MOGAT1: variants seen among roughly 807,000 people sequenced by gnomAD.
The protein encoded by MOGAT1 is monoacylglycerol O-acyltransferase 1, also known as 2-acylglycerol O-acyltransferase 1.
MOGAT1 carries 32 observed loss-of-function variants against 31.4 expected under a neutral mutation model. The ratio of observed to expected loss-of-function variants is 1.02; its 90% CI spans 0.77 to 1.37. MOGAT1 has a LOEUF of 1.37. MOGAT1 is among the 40% of genes most tolerant of loss of function. MOGAT1 has a pLI of 0.00. For synonymous variants in MOGAT1, 145 were observed against 144.5 expected (o/e 1.00, Z -0.03); for missense variants, 426 against 402.0 (o/e 1.06, Z -0.51).
chr2:222,672,068 T>A (rs2106028625), intron 1 of MOGAT1, among the ~76,000 whole-genome samples, 189 bp downstream of exon 1: 1 of 152,344 alleles, frequency 6.6e-6, no homozygotes, highest in East Asian at 1.9e-4. Context: ...CGCTAACGAC[T>A]GTTTAATTTT....
chr2:222,688,487 CTT>C lies in MOGAT1; in HGVS notation c.240_241del (p.Trp81GlufsTer4), dbSNP rs771022437. ...ATCCAGCTGGATCAAAAATTGGACT[CTT>C]TGGAAACACTTTAAGGACTATTTTC... ...RRSSWIKNWT[L>X]WKHFKDYFPI... On this transcript the variant is annotated frameshift_variant, in exon 2 of 6. Coordinates refer to ENST00000446656, the MANE Select transcript of MOGAT1 (RefSeq NM_058165.3). LOFTEE classifies it high-confidence loss of function. 1 of 1,613,486 alleles carries C rather than the reference CTT, an allele frequency of 6.2e-7. No individual in the cohort carries two copies. The highest frequency in any genetic ancestry group is 8.5e-7 in the Non-Finnish European group (1 of 1,179,716).
intron 3 of MOGAT1, among the ~76,000 whole-genome samples, chr2:222,692,563 C>T (rs187170053): frequency 4.7e-4 from 71 of 152,142 alleles, no homozygotes; most frequent in African/African-American, 1.3e-3. Flanking sequence ...GGTTTGGAGA[C>T]GTGTAGTTTG....
At chr2:222,672,047 G>A (rs1166770139) in intron 1 of MOGAT1, among the ~76,000 whole-genome samples, 168 bp downstream of exon 1, 1 of 152,212 alleles carries the variant, frequency 6.6e-6, no homozygotes, top group East Asian at 1.9e-4. Context: ...GTTTCCTCAC[G>A]AGAACCTCAT....
intron 5 of MOGAT1, among the ~76,000 whole-genome samples, chr2:222,701,196 G>A (rs920174056): frequency 6.6e-6 from 1 of 151,916 alleles, no homozygotes; most frequent in Admixed American, 6.6e-5. Context: ...GGAGGTAGAG[G>A]TTGAAGTGAG....
intron 1 of MOGAT1, among the ~76,000 whole-genome samples, chr2:222,674,657 A>G (rs1177634001): frequency 6.6e-6 from 1 of 152,156 alleles, no homozygotes; most frequent in Non-Finnish European, 1.5e-5. Context: ...TGTCTAGTGA[A>G]TTCACACATT....
intron 1 of MOGAT1, among the ~76,000 whole-genome samples, chr2:222,672,889 T>TTTATTGTTA: frequency 7.2e-6 from 1 of 139,220 alleles, no homozygotes; most frequent in East Asian, 2.1e-4. Flanking sequence ...CTGGAATTTG[T>TTTATTGTTA]TTATTATTAT....
intron 1 of MOGAT1, among the ~76,000 whole-genome samples, chr2:222,679,518 A>C (rs751567916): frequency 4.6e-5 from 7 of 152,256 alleles, no homozygotes; most frequent in Non-Finnish European, 1.0e-4. Flanking sequence ...TGAACTGATT[A>C]CAGTACATAT....
intron 1 of MOGAT1, among the ~76,000 whole-genome samples, chr2:222,680,795 G>C (rs1247476035): frequency 6.6e-6 from 1 of 152,138 alleles, no homozygotes; most frequent in Non-Finnish European, 1.5e-5. Flanking sequence ...TTTTGGATGA[G>C]AATAGGAAGA....
At chr2:222,696,386 T>G (rs1016599811) in intron 5 of MOGAT1, among the ~76,000 whole-genome samples, 1 of 152,244 alleles carries the variant, frequency 6.6e-6, no homozygotes, top group Non-Finnish European at 1.5e-5. Flanking sequence ...CTACCAGCAG[T>G]GTGAAAGTGT....
intron 5 of MOGAT1, among the ~76,000 whole-genome samples, chr2:222,701,987 G>A (rs1446715341): frequency 6.6e-6 from 1 of 152,198 alleles, no homozygotes; most frequent in African/African-American, 2.4e-5. Flanking sequence ...CATGATACAT[G>A]GGAAGGCAGT....
chr2:222,682,235 T>C (rs1015227001), intron 1 of MOGAT1, among the ~76,000 whole-genome samples: 3 of 152,204 alleles, frequency 2.0e-5, no homozygotes, highest in Non-Finnish European at 4.4e-5. Flanking sequence ...CTGTAGCATG[T>C]ATCGCCTGAA....
chr2:222,675,843 A>G (rs1264824127), intron 1 of MOGAT1, among the ~76,000 whole-genome samples: 4 of 151,892 alleles, frequency 2.6e-5, no homozygotes, highest in Non-Finnish European at 4.4e-5. Flanking sequence ...CTACCCTACA[A>G]TTCAATTCTT....
rs565183333 is a variant in MOGAT1 at position 222,686,667 on chromosome 2, C to T, written c.95-1677C>T. On this transcript the variant is annotated intron_variant, in intron 1 of 5. Transcript: ENST00000446656. ...CTTTTCTGGTGGGTCCAGAAGGTAA[C>T]AGGATACCCCACAGAGGTGTGGAGG... Among the ~76,000 whole-genome samples the T allele has an allele frequency of 9.2e-5, 14 of 152,314 alleles. No individual in the cohort carries two copies. The South Asian group carries it at 2.9e-3, about 32-fold the overall frequency.
rs749721684 is a variant in MOGAT1 at position 222,709,904 on chromosome 2, A to G, written c.*14A>G. ...GTTTTAAAATGACTTGACTATAAAA[A>G]AAAATTAAAAAATAAAAATAAATGA... is the stretch of plus-strand genomic sequence containing the variant. On this transcript the variant is annotated 3_prime_UTR_variant, in exon 6 of 6. Transcript: ENST00000446656. 1.3e-6 allele frequency: 2 copies of G among 1,540,412 alleles called. No individual in the cohort carries two copies. Among genetic ancestry groups the G allele is most frequent in the African/African-American group, 2.8e-5 (2 of 71,152 alleles).
intron 5 of MOGAT1, among the ~76,000 whole-genome samples, chr2:222,709,484 G>C (rs1284424606): frequency 1.3e-5 from 2 of 152,226 alleles, no homozygotes; most frequent in African/African-American, 4.8e-5. Flanking sequence ...CAGCACAGTA[G>C]CTCATTTGAC....
chr2:222,684,794 C>G (rs1256718435), intron 1 of MOGAT1, among the ~76,000 whole-genome samples: 2 of 152,120 alleles, frequency 1.3e-5, no homozygotes, highest in East Asian at 3.9e-4. Flanking sequence ...CCAGGCTGGT[C>G]TCAAACGCCT....
rs116696540 is a variant in MOGAT1 at position 222,702,684 on chromosome 2, A to G, written c.854-7052A>G. Among the ~76,000 whole-genome samples the G allele has an allele frequency of 4.7e-3, 708 of 152,136 alleles. 4 individuals carry two copies. The highest frequency in any genetic ancestry group is 0.016 in the African/African-American group (656 of 41,518). ...TTAAATAAAACTAGTTTGAAACCACATGAGGACAAAAGTAATCCACTGTGT... is the reference window on the plus strand; with the variant it reads ...TTAAATAAAACTAGTTTGAAACCACGTGAGGACAAAAGTAATCCACTGTGT... On this transcript the variant is annotated intron_variant, in intron 5 of 5. Transcript: ENST00000446656.
chr2:222,672,556 C>T (rs10199417), intron 1 of MOGAT1, among the ~76,000 whole-genome samples: 2 of 152,048 alleles, frequency 1.3e-5, no homozygotes, highest in Non-Finnish European at 2.9e-5. Flanking sequence ...GGTGGTTTTT[C>T]TTTTTGTTTT....
intron 5 of MOGAT1, among the ~76,000 whole-genome samples, chr2:222,707,219 CAAGGAAGG>C (rs201300805): frequency 3.4e-5 from 4 of 116,248 alleles, no homozygotes; most frequent in Non-Finnish European, 5.2e-5. Context: ...GAAAGAAAAA[CAAGGAAGG>C]AAGGAAGGAA....
Sources: gnomAD v4.1 joint callset for allele counts (sites outside exome capture counted in the v4.1 genomes callset) on GRCh38, gnomAD v4.1.1 for gene constraint, MANE v1.5 for transcripts, NCBI Gene and HGNC (gene_info 2026-07-23, HGNC 2026-07-21) for gene names.